PIP4K2A: variants seen among roughly 807,000 people sequenced by gnomAD.
PIP4K2A encodes the protein phosphatidylinositol 5-phosphate 4-kinase type-2 alpha.
PIP4K2A carries 14 observed loss-of-function variants against 42.9 expected under a neutral mutation model. The observed-to-expected ratio is 0.33, with a 90% CI of 0.22 to 0.51. The LOEUF (loss-of-function observed/expected upper bound fraction) is 0.51, where lower values mean the gene tolerates loss of function less well. PIP4K2A is among the 20% of genes least tolerant of loss of function. The pLI is 0.97. For synonymous variants in PIP4K2A, 192 were observed against 192.2 expected (o/e 1.00, Z 0.01); for missense variants, 434 against 519.8 (o/e 0.83, Z 1.61).
At chr10:22,624,179 T>C (rs534301496) in intron 1 of PIP4K2A, among the ~76,000 whole-genome samples, 14 of 152,354 alleles carry the variant, frequency 9.2e-5, no homozygotes, top group Admixed American at 2.6e-4. Context: ...TTCACAAAAT[T>C]TTATTAATTT....
At chr10:22,561,199 T>C (rs973858731) in intron 6 of PIP4K2A, among the ~76,000 whole-genome samples, 1 of 152,194 alleles carries the variant, frequency 6.6e-6, no homozygotes, top group Non-Finnish European at 1.5e-5. Context: ...AATTTGACAA[T>C]GGTTATTTTT....
chr10:22,684,540 T>G (rs187912035), intron 1 of PIP4K2A, among the ~76,000 whole-genome samples: 218 of 152,340 alleles, frequency 1.4e-3, no homozygotes, highest in African/African-American at 5.0e-3. Flanking sequence ...TGGCTTTCCT[T>G]GTCCTCTTAA....
intron 1 of PIP4K2A, among the ~76,000 whole-genome samples, chr10:22,679,043 G>C (rs1027875228): frequency 1.2e-4 from 19 of 152,154 alleles, no homozygotes; most frequent in African/African-American, 4.6e-4. Context: ...ATGGTTTCTT[G>C]GATGTGACAC....
chr10:22,653,685 G>A (rs1174908154), intron 1 of PIP4K2A, among the ~76,000 whole-genome samples: 1 of 152,128 alleles, frequency 6.6e-6, no homozygotes, highest in Non-Finnish European at 1.5e-5. Flanking sequence ...AGGCTGAGGT[G>A]GGTGGATCAC....
At chr10:22,563,939 G>T (rs7087100) in intron 6 of PIP4K2A, among the ~76,000 whole-genome samples, 151,739 of 152,304 alleles carry the variant, frequency 1, 75,589 homozygotes, top group Middle Eastern at 1. Flanking sequence ...GGAGATGTTT[G>T]AAGGAATGAT....
chr10:22,712,964 A>G (rs1833938693), intron 1 of PIP4K2A, among the ~76,000 whole-genome samples: 1 of 151,474 alleles, frequency 6.6e-6, no homozygotes, highest in Admixed American at 6.6e-5. Flanking sequence ...TTTCCGAAAA[A>G]CCAGCATGGT....
At chr10:22,565,282 A>G (rs1474652246) in intron 6 of PIP4K2A, among the ~76,000 whole-genome samples, 1 of 152,150 alleles carries the variant, frequency 6.6e-6, no homozygotes, top group African/African-American at 2.4e-5. Context: ...CTGACGCCGC[A>G]CTGACTGTTG....
At chr10:22,641,094 A>T (rs1838775283) in intron 1 of PIP4K2A, among the ~76,000 whole-genome samples, 1 of 152,136 alleles carries the variant, frequency 6.6e-6, no homozygotes, top group African/African-American at 2.4e-5. Flanking sequence ...GTCATCTTAA[A>T]CCTTGTTGTA....
rs149739014 is a variant in PIP4K2A, at chr10:22,624,922, T to C, written c.145-15205A>G. ...GTAACTTGGAAATAGAATATTCTAG[T>C]GTATTAGAAATCTTGCCAGAGAGTT... On this transcript the variant is annotated intron_variant, in intron 1 of 9. Coordinates refer to ENST00000376573, the MANE Select transcript of PIP4K2A (RefSeq NM_005028.5). 7.5e-3 allele frequency among the ~76,000 whole-genome samples: 1,139 copies of C among 152,338 alleles called. 10 individuals carry two copies. Among genetic ancestry groups the C allele is most frequent in the African/African-American group, 0.026 (1,089 of 41,568 alleles).
chr10:22,661,339 ATGATGCTGCCTTTTTTTTTTTT>A (rs1839200820), intron 1 of PIP4K2A, among the ~76,000 whole-genome samples: 1 of 138,376 alleles, frequency 7.2e-6, no homozygotes, highest in Non-Finnish European at 1.6e-5. Flanking sequence ...ATCTGTGAGG[ATGATGCTGCCTTTTTTTTTTTT>A]TTTTTTTTTT....
chr10:22,549,848 AAAAAAAAAAAAAAAAAAAAAAAAAAAG>A (rs937368474), intron 7 of PIP4K2A, among the ~76,000 whole-genome samples: 2 of 66,558 alleles, frequency 3.0e-5, no homozygotes, highest in African/African-American at 1.3e-4. Flanking sequence ...CAAAAAAAAA[AAAAAAAAAAAAAAAAAAAAAAAAAAAG>A]AAAGGAAAGA....
intron 1 of PIP4K2A, among the ~76,000 whole-genome samples, chr10:22,696,196 T>C (rs976583081): frequency 2.6e-5 from 4 of 152,200 alleles, no homozygotes; most frequent in African/African-American, 7.2e-5. Flanking sequence ...TTTCAACATA[T>C]GTCAACATTG....
At chr10:22,659,321 G>A (rs1226426071) in intron 1 of PIP4K2A, among the ~76,000 whole-genome samples, 1 of 152,230 alleles carries the variant, frequency 6.6e-6, no homozygotes, top group African/African-American at 2.4e-5. Flanking sequence ...TTGGCTGGGT[G>A]CAGTGGCTCA....
intron 3 of PIP4K2A, among the ~76,000 whole-genome samples, chr10:22,607,504 A>G (rs982056624): frequency 1.3e-5 from 2 of 152,180 alleles, no homozygotes; most frequent in Non-Finnish European, 2.9e-5. Context: ...CCAACTTGAA[A>G]AGCAGCAAAT....
At chr10:22,609,848 C>T (rs1588661370) in intron 1 of PIP4K2A, 131 bp from the exon 2 acceptor site, 1 of 591,952 alleles carries the variant, frequency 1.7e-6, no homozygotes, top group Non-Finnish European at 2.9e-6. Context: ...AACCCACCCT[C>T]CTTCCCTCTG....
intron 5 of PIP4K2A, 68 bp downstream of exon 5, chr10:22,573,243 T>C (rs2130795651): frequency 7.2e-7 from 1 of 1,398,374 alleles, no homozygotes; most frequent in African/African-American, 1.4e-5. Context: ...TGATGATCAA[T>C]GACAACATTT....
At chr10:22,693,045 T>C (rs1172307977) in intron 1 of PIP4K2A, among the ~76,000 whole-genome samples, 1 of 152,238 alleles carries the variant, frequency 6.6e-6, no homozygotes. Context: ...TAGTTCTGCA[T>C]ATCCATTAAT....
chr10:22,624,362 G>T (rs999528199), intron 1 of PIP4K2A, among the ~76,000 whole-genome samples: 7 of 152,160 alleles, frequency 4.6e-5, no homozygotes, highest in Non-Finnish European at 1.0e-4. Flanking sequence ...AAATACTGCG[G>T]GCAGAGGCAT....
intron 1 of PIP4K2A, among the ~76,000 whole-genome samples, chr10:22,637,200 T>G (rs16922539): frequency 1.3e-5 from 2 of 152,048 alleles, no homozygotes; most frequent in Non-Finnish European, 1.5e-5. Flanking sequence ...AATGGCCCCA[T>G]GATTTGACAC....
Sources: allele counts gnomAD v4.1 joint callset (sites outside exome capture counted in the v4.1 genomes callset), GRCh38; gene constraint gnomAD v4.1.1; transcripts MANE v1.5; gene names NCBI Gene and HGNC (gene_info 2026-07-23, HGNC 2026-07-21).